The following SHC4 variants were observed in gnomAD, a reference collection of about 807,000 sequenced individuals.
The protein encoded by SHC4 is SHC-transforming protein 4.
In SHC4, 41 loss-of-function variants were observed where a neutral mutation model predicts 69.4. The observed-to-expected ratio is 0.59, with a 90% confidence interval of 0.46 to 0.77. The LOEUF is 0.77. SHC4 is among the 30% of genes least tolerant of loss of function. The pLI is 0.00. For missense variants in SHC4, 777 were observed against 783.8 expected (o/e 0.99, Z 0.10); for synonymous variants, 318 against 299.3 (o/e 1.06, Z -0.64).
chr15:48,831,482 A>T (rs150981750), intron 11 of SHC4, among the ~76,000 whole-genome samples: 3 of 152,338 alleles, frequency 2.0e-5, no homozygotes, highest in African/African-American at 7.2e-5. Context: ...ATGTTTACAT[A>T]CACAAATATT....
chr15:48,890,806 G>T lies in SHC4; in HGVS notation c.662C>A (p.Ala221Glu), dbSNP rs1900123052. 1.2e-6 allele frequency: 2 copies of T among 1,614,000 alleles called. No individual in the cohort carries two copies. The highest frequency in any genetic ancestry group is 1.7e-6 in the Non-Finnish European group (2 of 1,180,004). Residue 221 changes from alanine (A) to glutamate (E), a missense_variant, in exon 3 of 12, where the codon GCA (alanine) becomes GAA (glutamate). Coordinates refer to ENST00000332408, the MANE Select transcript of SHC4 (RefSeq NM_203349.4). ...FGMRTQVTRE[A>E]ISRLCEAVPG... The stretch of plus-strand genomic sequence containing the variant: ...GACAGCTTCACACAGGCGACTTATT[G>T]CTTCCCTAAAGAACAGAAACCATAT...
At chr15:48,826,611 G>A (rs1278040711) in intron 11 of SHC4, among the ~76,000 whole-genome samples, 1 of 152,096 alleles carries the variant, frequency 6.6e-6, no homozygotes, top group Non-Finnish European at 1.5e-5. Context: ...TAGGAAAATG[G>A]TAGGCACTTG....
intron 2 of SHC4, among the ~76,000 whole-genome samples, chr15:48,918,113 G>C (rs982829895): frequency 2.0e-5 from 3 of 151,970 alleles, no homozygotes; most frequent in African/African-American, 7.3e-5. Flanking sequence ...TCTAGAGATA[G>C]CTATGATCAC....
At chr15:48,827,019 C>T (rs1029463558) in intron 11 of SHC4, among the ~76,000 whole-genome samples, 4 of 152,160 alleles carry the variant, frequency 2.6e-5, no homozygotes, top group Admixed American at 6.5e-5. Context: ...TTCCTAGTAC[C>T]CTATGCATAG....
chr15:48,912,558 T>G lies in SHC4; in HGVS notation c.656+12321A>C, dbSNP rs967903530. Among the ~76,000 whole-genome samples, 5 of 152,350 alleles carry G rather than the reference T, an allele frequency of 3.3e-5. No individual in the cohort carries two copies. In the East Asian group the frequency reaches 9.6e-4, roughly 29 times the overall value. On this transcript the variant is annotated intron_variant, in intron 2 of 11. Coordinates refer to ENST00000332408, the MANE Select transcript of SHC4 (RefSeq NM_203349.4). Reference sequence around the variant, plus strand: ...CTTCTCTGGTCCCTCCCTGATTAGCTTAATAACTAACATCCTGAATTCTTT... The same window carrying G: ...CTTCTCTGGTCCCTCCCTGATTAGCGTAATAACTAACATCCTGAATTCTTT...
At chr15:48,840,172 G>T (rs371290082) in intron 10 of SHC4, among the ~76,000 whole-genome samples, 1 of 152,184 alleles carries the variant, frequency 6.6e-6, no homozygotes, top group Non-Finnish European at 1.5e-5. Context: ...TACCAATCCC[G>T]TGGCACTAAT....
Position 48,834,745 on chromosome 15 carries a change from C to A in SHC4, c.1737+24G>T, listed in dbSNP as rs773855333. On this transcript the variant is annotated intron_variant, in intron 11 of 11. Coordinates refer to ENST00000332408, the MANE Select transcript of SHC4 (RefSeq NM_203349.4). ...CTTAATAGAACAACATCCTGTGAAACCTCTAATGAGAAGTCAATGATACCT... is the reference window on the plus strand; with the variant it reads ...CTTAATAGAACAACATCCTGTGAAAACTCTAATGAGAAGTCAATGATACCT... 7 of 1,612,124 alleles carry A rather than the reference C, an allele frequency of 4.3e-6. No individual in the cohort carries two copies. The South Asian group carries it at 7.7e-5, about 18-fold the overall frequency.
chr15:48,867,816 A>G lies in SHC4; in HGVS notation c.946+2T>C. On this transcript the variant is annotated splice_donor_variant, in intron 6 of 11. Coordinates refer to ENST00000332408, the MANE Select transcript of SHC4 (RefSeq NM_203349.4). LOFTEE classifies it high-confidence loss of function. ...AAAAAATCTGTAAGTTGCTTTCCAT[A>G]CCTCGTTGATTAACTGGATCTTTAG... 6.2e-7 allele frequency: 1 copy of G among 1,613,464 alleles called. No individual in the cohort carries two copies. Among genetic ancestry groups the G allele is most frequent in the Non-Finnish European group, 8.5e-7 (1 of 1,179,590 alleles).
chr15:48,878,122 C>G (rs369233178), intron 4 of SHC4: 3 of 1,507,874 alleles, frequency 2.0e-6, no homozygotes, highest in African/African-American at 1.4e-5. Flanking sequence ...AACGCACGGC[C>G]GCGCAGCATC....
At chr15:48,938,081 C>G (rs901298807) in intron 1 of SHC4, among the ~76,000 whole-genome samples, 2 of 152,140 alleles carry the variant, frequency 1.3e-5, no homozygotes, top group Non-Finnish European at 2.9e-5. Flanking sequence ...TCCTAGGAAA[C>G]CAGGAATGCT....
chr15:48,960,349 A>G (rs1308030445), intron 1 of SHC4, among the ~76,000 whole-genome samples: 1 of 152,198 alleles, frequency 6.6e-6, no homozygotes, highest in Non-Finnish European at 1.5e-5. Context: ...ATGGTAAGGC[A>G]AGTGCAGAGA....
chr15:48,843,098 G>C (rs1899023272), intron 10 of SHC4, among the ~76,000 whole-genome samples: 3 of 152,142 alleles, frequency 2.0e-5, no homozygotes, highest in Non-Finnish European at 2.9e-5. Flanking sequence ...TCCAGTGACT[G>C]TTGTCCTGTA....
intron 4 of SHC4, chr15:48,878,154 C>T (rs372567948): frequency 1.3e-6 from 2 of 1,520,788 alleles, no homozygotes; most frequent in Non-Finnish European, 1.8e-6. Flanking sequence ...AAGCTTTTTC[C>T]TAGAGGTTGA....
At chr15:48,955,870 G>A (rs762013530) in intron 1 of SHC4, among the ~76,000 whole-genome samples, 1 of 152,166 alleles carries the variant, frequency 6.6e-6, no homozygotes, top group Non-Finnish European at 1.5e-5. Context: ...GCTCTTGTCT[G>A]GGCTCCACCA....
At chr15:48,962,325 T>C (rs1901557693) in intron 1 of SHC4, 106 bp downstream of exon 1, 1 of 1,201,702 alleles carries the variant, frequency 8.3e-7, no homozygotes, top group South Asian at 1.7e-5. Flanking sequence ...TCATGTCCTG[T>C]CCAAACACAG....
At chr15:48,861,300 G>C (rs752686064) in intron 6 of SHC4, among the ~76,000 whole-genome samples, 20 of 152,156 alleles carry the variant, frequency 1.3e-4, no homozygotes, top group Non-Finnish European at 2.8e-4. Context: ...ACAAACAGTG[G>C]TGTCTGTCTG....
intron 2 of SHC4, among the ~76,000 whole-genome samples, chr15:48,904,441 T>G (rs1044903254): frequency 1.3e-5 from 2 of 152,248 alleles, no homozygotes; most frequent in Non-Finnish European, 2.9e-5. Context: ...CCATGTTTGA[T>G]CTCTTCAACT....
chr15:48,954,772 C>A (rs904780086), intron 1 of SHC4, among the ~76,000 whole-genome samples: 1 of 152,188 alleles, frequency 6.6e-6, no homozygotes, highest in African/African-American at 2.4e-5. Context: ...GTTTTCGGCC[C>A]AGAGGCACCC....
intron 2 of SHC4, among the ~76,000 whole-genome samples, chr15:48,904,349 T>C (rs893554710): frequency 6.6e-6 from 1 of 152,206 alleles, no homozygotes. Context: ...TTTATAAATG[T>C]TAAATTTTGT....
Sources: gnomAD v4.1 joint callset for allele counts (sites outside exome capture counted in the v4.1 genomes callset) on GRCh38, gnomAD v4.1.1 for gene constraint, MANE v1.5 for transcripts, NCBI Gene and HGNC (gene_info 2026-07-23, HGNC 2026-07-21) for gene names.